The following ZNG1E variants were observed in gnomAD, a reference collection of about 807,000 sequenced individuals.
ZNG1E encodes zinc-regulated GTPase metalloprotein activator 1E.
chr9:65,659,378 C>T, the ZNG1E span, among the ~76,000 whole-genome samples: 1 of 151,398 alleles, frequency 6.6e-6, no homozygotes, highest in South Asian at 2.1e-4. Flanking sequence ...GCCTGTAATC[C>T]CAGCTACTCA....
At chr9:65,714,015 T>A in the ZNG1E span, among the ~76,000 whole-genome samples, 1 of 150,876 alleles carries the variant, frequency 6.6e-6, no homozygotes, top group South Asian at 2.1e-4. Flanking sequence ...GATTTGGTCT[T>A]TTCACATAGT....
At chr9:65,676,575 A>G in the ZNG1E span, among the ~76,000 whole-genome samples, 1 of 150,504 alleles carries the variant, frequency 6.6e-6, no homozygotes, top group Non-Finnish European at 1.5e-5. Flanking sequence ...TCGTCAGCAG[A>G]TTCCCCTTCC....
At chr9:65,658,026 G>T in the ZNG1E span, among the ~76,000 whole-genome samples, 3 of 152,136 alleles carry the variant, frequency 2.0e-5, no homozygotes, top group Non-Finnish European at 4.4e-5. Flanking sequence ...TTGAACCTGG[G>T]AGGCGGAGGT....
the ZNG1E span, chr9:65,719,891 T>C: frequency 3.1e-6 from 4 of 1,288,920 alleles, no homozygotes; most frequent in East Asian, 2.4e-5. Flanking sequence ...CTTTTCTCTA[T>C]TGGAATTTGC....
chr9:65,714,833 G>A, the ZNG1E span, among the ~76,000 whole-genome samples: 2 of 151,962 alleles, frequency 1.3e-5, no homozygotes, highest in Non-Finnish European at 1.5e-5. Context: ...AGTCTGCGGA[G>A]GTTACTGCTG....
At chr9:65,665,355 A>T in the ZNG1E span, among the ~76,000 whole-genome samples, 16 of 152,262 alleles carry the variant, frequency 1.1e-4, no homozygotes, top group Non-Finnish European at 2.1e-4. Context: ...GAGCCAAAGT[A>T]CAGCTCTGTC....
chr9:65,678,087 C>A, the ZNG1E span, among the ~76,000 whole-genome samples: 1 of 145,554 alleles, frequency 6.9e-6, no homozygotes, highest in African/African-American at 2.6e-5. Flanking sequence ...TGAACTATGT[C>A]TTAAAGTGTT....
At chr9:65,660,207 C>A in the ZNG1E span, among the ~76,000 whole-genome samples, 2 of 136,592 alleles carry the variant, frequency 1.5e-5, no homozygotes, top group Admixed American at 7.6e-5. Context: ...GGATAGATTT[C>A]TTGAAGAAAA....
chr9:65,680,997 C>G, the ZNG1E span, among the ~76,000 whole-genome samples: 5,335 of 144,446 alleles, frequency 0.037, 2 homozygotes, highest in Non-Finnish European at 0.057. Context: ...ATTGTGTTAG[C>G]GAGGGTGGTC....
the ZNG1E span, among the ~76,000 whole-genome samples, chr9:65,665,021 G>T: frequency 4.6e-5 from 7 of 152,254 alleles, no homozygotes; most frequent in Non-Finnish European, 7.3e-5. Flanking sequence ...TGCTGTTAAA[G>T]GTATTCAGTT....
At chr9:65,659,607 C>T in the ZNG1E span, among the ~76,000 whole-genome samples, 6 of 151,958 alleles carry the variant, frequency 3.9e-5, no homozygotes, top group African/African-American at 1.5e-4. Context: ...TTGCCAGTCC[C>T]TGTGGACTTA....
the ZNG1E span, among the ~76,000 whole-genome samples, chr9:65,680,664 T>A: frequency 1.3e-5 from 2 of 152,276 alleles, no homozygotes; most frequent in Non-Finnish European, 2.9e-5. Context: ...CCGTTTGGTA[T>A]ATTTCTGTAT....
the ZNG1E span, among the ~76,000 whole-genome samples, chr9:65,671,940 A>G: frequency 1.7e-4 from 23 of 138,278 alleles, no homozygotes; most frequent in African/African-American, 5.0e-4. Context: ...CTCTTATTAT[A>G]TAAGTACCTA....
At chr9:65,717,635 GTGTTT>G in the ZNG1E span, among the ~76,000 whole-genome samples, 1 of 149,440 alleles carries the variant, frequency 6.7e-6, no homozygotes, top group Non-Finnish European at 1.5e-5. Context: ...ACATTTAAAT[GTGTTT>G]ACAAGGGGAA....
the ZNG1E span, among the ~76,000 whole-genome samples, chr9:65,680,497 C>G: frequency 1.3e-5 from 2 of 151,824 alleles, no homozygotes; most frequent in Non-Finnish European, 2.9e-5. Context: ...CAATACTTTT[C>G]TTCATGTTTC....
At chr9:65,719,756 A>T in the ZNG1E span, 11 of 325,380 alleles carry the variant, frequency 3.4e-5, no homozygotes, top group Non-Finnish European at 6.0e-5. Context: ...AAAGAAATTT[A>T]CTGACATATT....
the ZNG1E span, among the ~76,000 whole-genome samples, chr9:65,710,614 C>G: frequency 6.6e-6 from 1 of 152,076 alleles, no homozygotes; most frequent in Non-Finnish European, 1.5e-5. Flanking sequence ...AATACGGAAT[C>G]CTTTCCCCAC....
At chr9:65,667,304 A>T in the ZNG1E span, among the ~76,000 whole-genome samples, 2 of 152,218 alleles carry the variant, frequency 1.3e-5, no homozygotes, top group African/African-American at 4.8e-5. Context: ...ATGAAAGTAC[A>T]TGTGTAAATT....
At chr9:65,668,317 A>T in the ZNG1E span, among the ~76,000 whole-genome samples, 3 of 146,210 alleles carry the variant, frequency 2.1e-5, no homozygotes, top group African/African-American at 5.0e-5. Flanking sequence ...GACCAAAAAA[A>T]TCTGGACCTA....
Sources: allele counts gnomAD v4.1 joint callset (sites outside exome capture counted in the v4.1 genomes callset), GRCh38; gene constraint gnomAD v4.1.1; transcripts MANE v1.5; gene names NCBI Gene and HGNC (gene_info 2026-07-23, HGNC 2026-07-21).